SLC10A7: variants seen among roughly 807,000 people sequenced by gnomAD.
SLC10A7 encodes solute carrier family 10 member 7.
In SLC10A7, 29 loss-of-function variants were observed where a neutral mutation model predicts 43.2. The ratio of observed to expected loss-of-function variants is 0.67; its 90% CI spans 0.50 to 0.92. SLC10A7 has a LOEUF of 0.92. Ranked by LOEUF, SLC10A7 falls within the 40% of genes least tolerant of loss-of-function variation. SLC10A7 has a pLI of 0.00. For missense variants in SLC10A7, 295 were observed against 403.2 expected, an observed-to-expected ratio of 0.73 and a Z score of 2.30; for synonymous variants, 152 against 144.8, an observed-to-expected ratio of 1.05 and a Z score of -0.35.
At chr4:146,459,627 A>AAC (rs1732362183) in intron 4 of SLC10A7, among the ~76,000 whole-genome samples, 2 of 149,574 alleles carry the variant, frequency 1.3e-5, no homozygotes. Flanking sequence ...AAAAAAAAAA[A>AAC]CGAAAAACTC....
Position 146,347,173 on chromosome 4 carries a change from T to A in SLC10A7, c.436-21177A>T, listed in dbSNP as rs6852118. On this transcript the variant is annotated intron_variant, in intron 5 of 11. Coordinates refer to ENST00000335472, the MANE Select transcript of SLC10A7 (RefSeq NM_001029998.6). ...GGGAATGGTGGGGGTCAGAACAGCA[T>A]GTGTGAAAGGCCTGTAGACAAGGAA... 1.9e-3 allele frequency among the ~76,000 whole-genome samples: 290 copies of A among 152,102 alleles called. 1 individual carries two copies. Among genetic ancestry groups the A allele is most frequent in the African/African-American group, 6.7e-3 (279 of 41,514 alleles).
intron 5 of SLC10A7, among the ~76,000 whole-genome samples, chr4:146,337,849 A>G (rs1176180924): frequency 2.0e-5 from 3 of 151,906 alleles, no homozygotes; most frequent in Non-Finnish European, 4.4e-5. Context: ...ATTTAAAAGA[A>G]AAAGATATTT....
chr4:146,366,862 T>C (rs1481238077), intron 5 of SLC10A7, among the ~76,000 whole-genome samples: 1 of 152,190 alleles, frequency 6.6e-6, no homozygotes, highest in African/African-American at 2.4e-5. Context: ...TGCCTTTTCC[T>C]TTATCACACA....
intron 6 of SLC10A7, among the ~76,000 whole-genome samples, chr4:146,317,428 T>G (rs1471866181): frequency 1.3e-5 from 2 of 152,056 alleles, no homozygotes; most frequent in Non-Finnish European, 2.9e-5. Context: ...ATAAACAAAT[T>G]AACAAATGAT....
At position 146,376,704 on chromosome 4, in the gene SLC10A7, C is replaced by CAATTTCTT. The variant is rs535650308; in HGVS notation, c.436-50716_436-50709dup. 3.9e-3 allele frequency among the ~76,000 whole-genome samples: 597 copies of CAATTTCTT among 152,244 alleles called. 2 individuals are homozygous for CAATTTCTT. Among genetic ancestry groups the CAATTTCTT allele is most frequent in the African/African-American group, 0.013 (547 of 41,552 alleles). ...AAGAAATAGCACTTGAACATAAATT[C>CAATTTCTT]AATTTCTTCAGCAAGGCCATTTTTA... On this transcript the variant is annotated intron_variant, in intron 5 of 11. Transcript: ENST00000335472.
chr4:146,400,139 A>C (rs1739126777), intron 5 of SLC10A7, among the ~76,000 whole-genome samples: 1 of 152,174 alleles, frequency 6.6e-6, no homozygotes, highest in African/African-American at 2.4e-5. Context: ...TGGAAATGAA[A>C]AGAGAAACAT....
At chr4:146,513,622 A>G (rs374791647) in intron 2 of SLC10A7, among the ~76,000 whole-genome samples, 13 of 152,260 alleles carry the variant, frequency 8.5e-5, no homozygotes, top group East Asian at 3.8e-4. Flanking sequence ...AGAACCCAGC[A>G]AAACAAGTCA....
chr4:146,447,238 T>C (rs940201130), intron 4 of SLC10A7, among the ~76,000 whole-genome samples: 2 of 152,178 alleles, frequency 1.3e-5, no homozygotes, highest in African/African-American at 4.8e-5. Flanking sequence ...CTGTAAACCA[T>C]AAATGACCAA....
At chr4:146,427,326 C>G (rs760872823) in intron 5 of SLC10A7, among the ~76,000 whole-genome samples, 1 of 152,128 alleles carries the variant, frequency 6.6e-6, no homozygotes, top group Non-Finnish European at 1.5e-5. Flanking sequence ...CACACACACA[C>G]AAAAGAAAGA....
chr4:146,499,102 A>G (rs1736176076), intron 4 of SLC10A7, among the ~76,000 whole-genome samples: 1 of 152,188 alleles, frequency 6.6e-6, no homozygotes, highest in Admixed American at 6.5e-5. Flanking sequence ...CATATTAAAC[A>G]TGTATATATT....
chr4:146,518,053 A>G (rs910452628), intron 1 of SLC10A7, among the ~76,000 whole-genome samples: 4 of 152,214 alleles, frequency 2.6e-5, no homozygotes, highest in Non-Finnish European at 4.4e-5. Flanking sequence ...CTTCCAGGAA[A>G]TCCTCTCTGG....
chr4:146,465,460 T>G (rs1396558130), intron 4 of SLC10A7, among the ~76,000 whole-genome samples: 1 of 152,070 alleles, frequency 6.6e-6, no homozygotes, highest in Non-Finnish European at 1.5e-5. Flanking sequence ...ATTTGCACAC[T>G]TTATTCTCTC....
chr4:146,370,092 G>T (rs1463130354), intron 5 of SLC10A7, among the ~76,000 whole-genome samples: 1 of 152,044 alleles, frequency 6.6e-6, no homozygotes, highest in African/African-American at 2.4e-5. Context: ...GCATGATAGA[G>T]AATTATTTCT....
chr4:146,510,792 AT>A (rs1737390815), intron 2 of SLC10A7, among the ~76,000 whole-genome samples: 1 of 152,198 alleles, frequency 6.6e-6, no homozygotes, highest in Non-Finnish European at 1.5e-5. Flanking sequence ...ATTAACCTCT[AT>A]TCATTGCACC....
Position 146,441,003 on chromosome 4 carries a change from C to T in SLC10A7, c.435+1780G>A, listed in dbSNP as rs369813118. 5.7e-4 allele frequency among the ~76,000 whole-genome samples: 87 copies of T among 152,270 alleles called. 1 individual carries two copies. In the South Asian group the frequency reaches 0.012, roughly 21 times the overall value. ...TATATCTCTAGTAACATCTTTCATA[C>T]GGCTTGTTAACTTTTACATTGCATT... On this transcript the variant is annotated intron_variant, in intron 5 of 11. Transcript: ENST00000335472.
chr4:146,286,222 CCG>C (rs1729921641), intron 9 of SLC10A7, among the ~76,000 whole-genome samples: 3 of 104,324 alleles, frequency 2.9e-5, no homozygotes, highest in African/African-American at 8.3e-5. Context: ...GTGAGAAGGA[CCG>C]TGTTTGGAGT....
chr4:146,307,295 T>C (rs773550524), intron 6 of SLC10A7, among the ~76,000 whole-genome samples: 6 of 152,104 alleles, frequency 3.9e-5, no homozygotes, highest in Non-Finnish European at 8.8e-5. Context: ...ATTTAACCCA[T>C]AAAAATTGGT....
At chr4:146,289,229 A>G (rs1730239179) in intron 9 of SLC10A7, among the ~76,000 whole-genome samples, 1 of 152,216 alleles carries the variant, frequency 6.6e-6, no homozygotes, top group Admixed American at 6.5e-5. Flanking sequence ...CTTACCATTA[A>G]TGATCATCGC....
intron 6 of SLC10A7, among the ~76,000 whole-genome samples, chr4:146,323,352 G>T (rs1732870276): frequency 6.6e-6 from 1 of 152,086 alleles, no homozygotes; most frequent in Non-Finnish European, 1.5e-5. Context: ...GGGTTTTTAT[G>T]GTTTTAGGTC....
Sources: allele counts gnomAD v4.1 joint callset (sites outside exome capture counted in the v4.1 genomes callset), GRCh38; gene constraint gnomAD v4.1.1; transcripts MANE v1.5; gene names NCBI Gene and HGNC (gene_info 2026-07-23, HGNC 2026-07-21).